Variants in SLC4A10 observed in about 807,000 individuals in gnomAD.
SLC4A10 encodes the protein solute carrier family 4 member 10, also known as sodium-driven chloride bicarbonate exchanger.
Under a neutral mutation model 137.7 loss-of-function variants are expected in SLC4A10, and 42 were observed. The observed-to-expected ratio is 0.30, with a 90% confidence interval of 0.24 to 0.39. SLC4A10 has a LOEUF of 0.39. Ranked by LOEUF, SLC4A10 falls within the 10% of genes least tolerant of loss-of-function variation. The probability of loss-of-function intolerance (pLI) is 1.00; values close to 1 mark genes in which losing one functional copy is unlikely to be tolerated. For synonymous variants in SLC4A10, 474 were observed against 464.1 expected, an observed-to-expected ratio of 1.02 and a Z score of -0.27; for missense variants, 925 against 1,355.0, an observed-to-expected ratio of 0.68 and a Z score of 4.98.
chr2:161,888,354 A>G (rs781050364), intron 10 of SLC4A10, among the ~76,000 whole-genome samples: 1 of 152,102 alleles, frequency 6.6e-6, no homozygotes, highest in Admixed American at 6.6e-5. Flanking sequence ...CTTGATGGGG[A>G]TAGCATTGAA....
intron 1 of SLC4A10, among the ~76,000 whole-genome samples, chr2:161,767,306 C>T (rs2051016097): frequency 6.8e-6 from 1 of 147,160 alleles, no homozygotes; most frequent in Non-Finnish European, 1.5e-5. Context: ...CGGTATAAAA[C>T]ATAATGTGTG....
intron 5 of SLC4A10, 106 bp from the exon 6 acceptor site, chr2:161,862,768 A>C: frequency 1.3e-6 from 1 of 795,026 alleles, no homozygotes; most frequent in Non-Finnish European, 1.8e-6. Context: ...CTATTTCAAG[A>C]TGAATAATAT....
intron 1 of SLC4A10, among the ~76,000 whole-genome samples, chr2:161,696,979 C>T (rs1211553134): frequency 1.3e-5 from 2 of 152,146 alleles, no homozygotes; most frequent in Non-Finnish European, 2.9e-5. Flanking sequence ...TGTTTCCTGA[C>T]TTTTTAATGA....
At chr2:161,711,341 T>C (rs1248397837) in intron 1 of SLC4A10, among the ~76,000 whole-genome samples, 4 of 151,800 alleles carry the variant, frequency 2.6e-5, no homozygotes, top group Non-Finnish European at 5.9e-5. Flanking sequence ...GTTTTGACTT[T>C]ATAGGGATAA....
intron 1 of SLC4A10, among the ~76,000 whole-genome samples, chr2:161,696,053 C>T (rs2042459989): frequency 6.6e-6 from 1 of 150,594 alleles, no homozygotes; most frequent in African/African-American, 2.4e-5. Flanking sequence ...CTAATGCTAT[C>T]CCACCCCACT....
chr2:161,855,628 A>G (rs972943195), intron 5 of SLC4A10, among the ~76,000 whole-genome samples: 5 of 152,118 alleles, frequency 3.3e-5, no homozygotes, highest in Non-Finnish European at 2.9e-5. Context: ...ATTCAATACT[A>G]TAAACTGATG....
At chr2:161,937,925 C>T (rs1691882528) in intron 15 of SLC4A10, among the ~76,000 whole-genome samples, 1 of 152,024 alleles carries the variant, frequency 6.6e-6, no homozygotes, top group Admixed American at 6.6e-5. Flanking sequence ...CTCCATACCC[C>T]ACCCAAATTC....
intron 15 of SLC4A10, among the ~76,000 whole-genome samples, chr2:161,908,502 G>A: frequency 6.7e-6 from 1 of 149,868 alleles, no homozygotes; most frequent in African/African-American, 2.5e-5. Flanking sequence ...CGAGTTGATG[G>A]GTGCAGCACA....
chr2:161,849,446 G>C (rs1394716950), intron 4 of SLC4A10, among the ~76,000 whole-genome samples: 1 of 152,066 alleles, frequency 6.6e-6, no homozygotes, highest in Admixed American at 6.6e-5. Flanking sequence ...TGTTGAATAA[G>C]AATGGTGAGA....
chr2:161,957,778 A>C (rs776560279), intron 20 of SLC4A10, among the ~76,000 whole-genome samples: 1 of 152,132 alleles, frequency 6.6e-6, no homozygotes, highest in African/African-American at 2.4e-5. Flanking sequence ...ATCTATTTTT[A>C]AGAGGATTAA....
chr2:161,698,792 G>T (rs1287355651), intron 1 of SLC4A10, among the ~76,000 whole-genome samples: 1 of 152,100 alleles, frequency 6.6e-6, no homozygotes, highest in Non-Finnish European at 1.5e-5. Flanking sequence ...TCTCTGCCAG[G>T]GTTTGATATC....
intron 1 of SLC4A10, among the ~76,000 whole-genome samples, chr2:161,718,178 C>A (rs1375687582): frequency 2.6e-5 from 4 of 151,904 alleles, no homozygotes; most frequent in Admixed American, 6.6e-5. Context: ...TTTGATTTTT[C>A]TCTTTTTTCT....
At chr2:161,829,103 C>A (rs1046366750) in intron 3 of SLC4A10, among the ~76,000 whole-genome samples, 1 of 151,924 alleles carries the variant, frequency 6.6e-6, no homozygotes, top group African/African-American at 2.4e-5. Context: ...AATCCCACCT[C>A]TTCTTGTGAA....
intron 1 of SLC4A10, among the ~76,000 whole-genome samples, chr2:161,626,596 A>G (rs1423476515): frequency 6.6e-6 from 1 of 152,270 alleles, no homozygotes; most frequent in African/African-American, 2.4e-5. Context: ...ATACTTGTAT[A>G]GCAACTCCCC....
At chr2:161,954,816 T>C (rs1189460092) in intron 19 of SLC4A10, among the ~76,000 whole-genome samples, 2 of 152,214 alleles carry the variant, frequency 1.3e-5, no homozygotes, top group African/African-American at 4.8e-5. Context: ...TTATTTTGCC[T>C]ACTTCCTGCA....
chr2:161,945,176 T>TG (rs1559596414), intron 16 of SLC4A10, among the ~76,000 whole-genome samples: 11 of 105,544 alleles, frequency 1.0e-4, no homozygotes, highest in African/African-American at 4.6e-4. Context: ...GTACTTAAGT[T>TG]TGTGTGTATA....
rs565093413 is a variant in SLC4A10 at position 161,799,860 on chromosome 2, T to C, written c.131-4589T>C. On this transcript the variant is annotated intron_variant, in intron 2 of 26. Transcript: ENST00000446997. Reference sequence around the variant, plus strand: ...AGTTATGCGCACAGGAGGGGAGCCATGAAATTATGAATCTGGGAATTTATA... The same window carrying C: ...AGTTATGCGCACAGGAGGGGAGCCACGAAATTATGAATCTGGGAATTTATA... 3.9e-5 allele frequency among the ~76,000 whole-genome samples: 6 copies of C among 152,086 alleles called. No homozygotes were observed. In the East Asian group the frequency reaches 9.7e-4, roughly 25 times the overall value.
chr2:161,630,003 A>G (rs1241809581), intron 1 of SLC4A10, among the ~76,000 whole-genome samples: 1 of 151,848 alleles, frequency 6.6e-6, no homozygotes, highest in East Asian at 1.9e-4. Context: ...ATAAACATCC[A>G]TGTGCAGATC....
At chr2:161,763,030 T>A (rs2050412771) in intron 1 of SLC4A10, among the ~76,000 whole-genome samples, 1 of 152,112 alleles carries the variant, frequency 6.6e-6, no homozygotes, top group Non-Finnish European at 1.5e-5. Context: ...TTGAAAGTGT[T>A]CCATACTTAC....
Sources: gnomAD v4.1 joint callset for allele counts (sites outside exome capture counted in the v4.1 genomes callset) on GRCh38, gnomAD v4.1.1 for gene constraint, MANE v1.5 for transcripts, NCBI Gene and HGNC (gene_info 2026-07-23, HGNC 2026-07-21) for gene names.